Variants in STK3 observed in about 807,000 individuals in gnomAD.
STK3 encodes serine/threonine-protein kinase 3.
A neutral mutation model predicts 58.0 loss-of-function variants in STK3; 41 were observed. The ratio of observed to expected loss-of-function variants is 0.71; its 90% CI spans 0.55 to 0.92. The LOEUF (loss-of-function observed/expected upper bound fraction) is 0.92, where lower values mean the gene tolerates loss of function less well. Among genes scored for constraint, STK3 ranks in the 40% least tolerant of loss-of-function variants. The pLI, the probability that STK3 is intolerant of heterozygous loss-of-function variation, is 0.00. For missense variants in STK3, 479 were observed against 602.7 expected, an observed-to-expected ratio of 0.79 and a Z score of 2.15; for synonymous variants, 170 against 191.0, an observed-to-expected ratio of 0.89 and a Z score of 0.91.
chr8:98,590,427 G>A (rs1354861708), intron 7 of STK3, among the ~76,000 whole-genome samples: 1 of 152,210 alleles, frequency 6.6e-6, no homozygotes, highest in Non-Finnish European at 1.5e-5. Context: ...GAAGATCTGG[G>A]AAGGAGTCAG....
At chr8:98,411,906 G>C (rs1440011136) in intron 3 of STK3, among the ~76,000 whole-genome samples, 1 of 152,104 alleles carries the variant, frequency 6.6e-6, no homozygotes, top group Non-Finnish European at 1.5e-5. Context: ...CACTGCCCTA[G>C]TTTAAACTCA....
intron 10 of STK3, among the ~76,000 whole-genome samples, chr8:98,483,766 A>C (rs931747152): frequency 1.3e-5 from 2 of 152,188 alleles, no homozygotes; most frequent in Non-Finnish European, 2.9e-5. Context: ...GGGATAACCA[A>C]TTTAACTTAG....
In STK3 at chr8:98,428,757, C is replaced by T. The variant is rs1452553524; in HGVS notation, n.483+5370G>A. ...CTTCCTCAAGTTCTTCAAGAATGCC[C>T]TAAACCTTATTGACCTCATGTCCAT... is the stretch of plus-strand genomic sequence containing the variant. On this transcript the variant is annotated intron_variant and non_coding_transcript_variant, in intron 3 of 3. Transcript: ENST00000517832. This position sits in a 1 kb window ranked among gnomAD's most constrained non-coding sequence, Gnocchi z 6.7. 6.2e-7 allele frequency: 1 copy of T among 1,614,210 alleles called. No individual in the cohort carries two copies. The highest frequency in any genetic ancestry group is 1.1e-5 in the South Asian group (1 of 91,074).
At chr8:98,401,217 GC>G (rs1817941047), downstream of STK3, among the ~76,000 whole-genome samples, 2 of 152,138 alleles carry the variant, frequency 1.3e-5, no homozygotes, top group South Asian at 4.2e-4. Context: ...AGCCCCAGGT[GC>G]TCCAGCTCCA....
intron 6 of STK3, among the ~76,000 whole-genome samples, chr8:98,648,154 C>T (rs888197943): frequency 2.0e-5 from 3 of 152,138 alleles, no homozygotes; most frequent in Non-Finnish European, 4.4e-5. Flanking sequence ...TAAATAACCA[C>T]GTACAAACAT....
intron 1 of STK3, among the ~76,000 whole-genome samples, chr8:98,810,368 T>C (rs1834136849): frequency 6.6e-6 from 1 of 152,096 alleles, no homozygotes. Flanking sequence ...GGTGCACTAT[T>C]TCACTCTCCT....
intron 10 of STK3, among the ~76,000 whole-genome samples, chr8:98,525,779 A>G (rs1318032797): frequency 2.6e-5 from 4 of 152,058 alleles, no homozygotes; most frequent in Non-Finnish European, 1.5e-5. Flanking sequence ...TAAAAACTCA[A>G]TCACAATATT....
chr8:98,427,644 C>T (rs1006520573), intron 3 of STK3: 2 of 195,500 alleles, frequency 1.0e-5, no homozygotes, highest in African/African-American at 4.7e-5. Flanking sequence ...GTCTCCCGGG[C>T]CTGCCCATGG....
chr8:98,391,449 C>T (rs1403404642), upstream of STK3: 1 of 152,192 alleles, frequency 6.6e-6, no homozygotes, highest in African/African-American at 2.4e-5. Flanking sequence ...TTTATGCGGT[C>T]ACTTCCCATG....
intron 10 of STK3, among the ~76,000 whole-genome samples, chr8:98,505,295 CT>C (rs1823969211): frequency 1.3e-5 from 2 of 152,126 alleles, no homozygotes; most frequent in South Asian, 4.1e-4. Flanking sequence ...TTAGTCTAAT[CT>C]TTTTTCAACG....
At chr8:98,529,791 GATTCCACTTATGTCAGGT>G (rs1233655347) in intron 9 of STK3, among the ~76,000 whole-genome samples, 2 of 152,170 alleles carry the variant, frequency 1.3e-5, no homozygotes, top group African/African-American at 4.8e-5. Flanking sequence ...AATACTGTAT[GATTCCACTTATGTCAGGT>G]ATTTAGAGTA....
In STK3 at chr8:98,612,850, TG is replaced by T. The variant is rs1165408556; in HGVS notation, c.685-16682del. Among the ~76,000 whole-genome samples, 6 of 152,190 alleles carry T rather than the reference TG, an allele frequency of 3.9e-5. No individual in the cohort carries two copies. The East Asian group carries it at 1.2e-3, about 29-fold the overall frequency. On this transcript the variant is annotated intron_variant, in intron 6 of 10. Coordinates refer to ENST00000419617, the MANE Select transcript of STK3 (RefSeq NM_006281.4). ...ACAAGGTCCCACAATACTCCTGACATGGTGAGAAAAGAACAAGTAGGGAGCC... is the reference window on the plus strand; with the variant it reads ...ACAAGGTCCCACAATACTCCTGACATGTGAGAAAAGAACAAGTAGGGAGCC...
the STK3 span, among the ~76,000 whole-genome samples, chr8:98,348,067 AC>A: frequency 6.6e-6 from 1 of 152,344 alleles, no homozygotes; most frequent in Non-Finnish European, 1.5e-5. Flanking sequence ...GACAAATAGA[AC>A]AATGGAATTG....
chr8:98,643,555 A>G (rs1159832441), intron 6 of STK3, among the ~76,000 whole-genome samples: 6 of 152,152 alleles, frequency 3.9e-5, no homozygotes, highest in Non-Finnish European at 5.9e-5. Flanking sequence ...ATACTCCCTA[A>G]TCACCATCCA....
intron 1 of STK3, among the ~76,000 whole-genome samples, chr8:98,777,336 G>A (rs1047569621): frequency 6.6e-6 from 1 of 152,040 alleles, no homozygotes; most frequent in African/African-American, 2.4e-5. Context: ...AGACCAGCCC[G>A]GGCAAACGGC....
intron 3 of STK3, among the ~76,000 whole-genome samples, chr8:98,753,866 T>C (rs1193893857): frequency 6.6e-6 from 1 of 152,202 alleles, no homozygotes; most frequent in Non-Finnish European, 1.5e-5. Flanking sequence ...TGCTCCCCAC[T>C]GGTCTCCTTG....
At chr8:98,755,739 C>T (rs1304919649) in intron 3 of STK3, among the ~76,000 whole-genome samples, 1 of 152,210 alleles carries the variant, frequency 6.6e-6, no homozygotes, top group East Asian at 1.9e-4. Flanking sequence ...AGGACTTTGT[C>T]ATTGACTTTT....
intron 9 of STK3, among the ~76,000 whole-genome samples, chr8:98,540,076 C>T (rs771070955): frequency 1.3e-5 from 2 of 152,188 alleles, no homozygotes; most frequent in Non-Finnish European, 2.9e-5. Flanking sequence ...CTTAATACAA[C>T]ATGGTCTCCA....
chr8:98,580,836 T>G (rs1035295515), intron 7 of STK3, among the ~76,000 whole-genome samples: 2 of 152,068 alleles, frequency 1.3e-5, no homozygotes, highest in African/African-American at 4.8e-5. Flanking sequence ...ACAAAAAAAA[T>G]TGTGCTGAAG....
Sources: gnomAD v4.1 joint callset for allele counts (sites outside exome capture counted in the v4.1 genomes callset) on GRCh38, gnomAD v4.1.1 for gene constraint, Gnocchi (gnomAD v3.1) non-coding constraint, MANE v1.5 for transcripts, NCBI Gene and HGNC (gene_info 2026-07-23, HGNC 2026-07-21) for gene names.